ST3GAL3: variants seen among roughly 807,000 people sequenced by gnomAD.
ST3GAL3 encodes the protein ST3 beta-galactoside alpha-2,3-sialyltransferase 3.
A neutral mutation model predicts 50.1 loss-of-function variants in ST3GAL3; 21 were observed. The ratio of observed to expected loss-of-function variants is 0.42; its 90% CI spans 0.30 to 0.60. The LOEUF (loss-of-function observed/expected upper bound fraction) is 0.60, where lower values mean the gene tolerates loss of function less well. ST3GAL3 is among the 20% of genes least tolerant of loss of function. ST3GAL3 has a pLI of 0.19. For missense variants in ST3GAL3, 353 were observed against 489.4 expected (o/e 0.72, Z 2.63); for synonymous variants, 183 against 190.0 (o/e 0.96, Z 0.30).
chr1:43,870,435 AG>A (rs2072403209), intron 5 of ST3GAL3, among the ~76,000 whole-genome samples: 1 of 152,198 alleles, frequency 6.6e-6, no homozygotes, highest in Admixed American at 6.5e-5. Flanking sequence ...AGGTCTGGGG[AG>A]GGGAACCTGG....
At chr1:43,826,722 A>G (rs2062851102) in intron 4 of ST3GAL3, among the ~76,000 whole-genome samples, 1 of 152,242 alleles carries the variant, frequency 6.6e-6, no homozygotes, top group Non-Finnish European at 1.5e-5. Context: ...GAGTTCAGCA[A>G]TGTATAAAAA....
At chr1:43,889,335 ACTT>A (rs779205830) in intron 5 of ST3GAL3, among the ~76,000 whole-genome samples, 43 of 152,290 alleles carry the variant, frequency 2.8e-4, no homozygotes, top group South Asian at 8.3e-4. Context: ...TGAAAGCTAG[ACTT>A]CTTTGAATGT....
chr1:43,838,129 AAG>A, intron 4 of ST3GAL3, 88 bp from the exon 5 acceptor site: 1 of 733,358 alleles, frequency 1.4e-6, no homozygotes, highest in East Asian at 3.3e-5. Context: ...AAAAAAAAAA[AAG>A]GGTTAAACAC....
chr1:43,803,258 G>C (rs940099435), intron 3 of ST3GAL3, among the ~76,000 whole-genome samples: 2 of 151,910 alleles, frequency 1.3e-5, no homozygotes. Context: ...TACATGTCTT[G>C]TAGGCCGGGC....
intron 9 of ST3GAL3, chr1:43,919,949 C>T (rs2082737845): frequency 6.6e-6 from 2 of 304,858 alleles, no homozygotes; most frequent in African/African-American, 2.2e-5. Flanking sequence ...CTAGAACAGT[C>T]GATGGAGAGA....
chr1:43,829,095 G>A (rs2063193048), intron 4 of ST3GAL3, among the ~76,000 whole-genome samples: 1 of 141,630 alleles, frequency 7.1e-6, no homozygotes, highest in Non-Finnish European at 1.5e-5. Context: ...AATGTAGTCT[G>A]TTAAAAAAAA....
intron 5 of ST3GAL3, among the ~76,000 whole-genome samples, chr1:43,848,369 G>C (rs12040333): frequency 6.9e-6 from 1 of 144,382 alleles, no homozygotes; most frequent in Non-Finnish European, 1.5e-5. Flanking sequence ...GCAATGGCGC[G>C]ATCTTGGTTC....
intron 5 of ST3GAL3, chr1:43,851,156 G>A (rs922709246): frequency 2.0e-5 from 27 of 1,328,590 alleles, no homozygotes; most frequent in South Asian, 1.8e-4. Context: ...GATCAGCTTC[G>A]GGTGGAAGAG....
At chr1:43,743,626 C>A in intron 2 of ST3GAL3, 1 of 291,534 alleles carries the variant, frequency 3.4e-6, no homozygotes, top group South Asian at 3.2e-5. Context: ...TGACAGGTGG[C>A]CAATCCATGA....
chr1:43,897,767 A>T (rs2077597211), intron 6 of ST3GAL3, among the ~76,000 whole-genome samples: 3 of 152,152 alleles, frequency 2.0e-5, no homozygotes, highest in South Asian at 4.1e-4. Context: ...GCACGTGGTG[A>T]GCTCTTCAGT....
At chr1:43,739,349 CT>C (rs1445313001) in intron 2 of ST3GAL3, 2 of 151,932 alleles carry the variant, frequency 1.3e-5, no homozygotes, top group Non-Finnish European at 2.9e-5. Flanking sequence ...GTAGCTGGGA[CT>C]ACAGGTGTGC....
chr1:43,820,821 G>A (rs1212226573), intron 4 of ST3GAL3, among the ~76,000 whole-genome samples: 2 of 152,180 alleles, frequency 1.3e-5, no homozygotes, highest in Non-Finnish European at 2.9e-5. Flanking sequence ...TATGGAGTCA[G>A]ACATGGATTT....
chr1:43,853,961 A>G (rs967519124), intron 5 of ST3GAL3, among the ~76,000 whole-genome samples: 6 of 152,158 alleles, frequency 3.9e-5, no homozygotes, highest in Non-Finnish European at 8.8e-5. Context: ...CCTGGCCAGG[A>G]TAGCTGAGTA....
chr1:43,819,089 T>C (rs2061761381), intron 4 of ST3GAL3: 1 of 152,224 alleles, frequency 6.6e-6, no homozygotes, highest in Non-Finnish European at 1.5e-5. Flanking sequence ...CCCTGAAATT[T>C]TAATTTTATA....
intron 2 of ST3GAL3, among the ~76,000 whole-genome samples, chr1:43,755,616 T>C (rs1687737122): frequency 6.6e-6 from 1 of 152,150 alleles, no homozygotes; most frequent in Non-Finnish European, 1.5e-5. Context: ...GGTATTTATA[T>C]CATCAAATGA....
chr1:43,792,737 C>G (rs2154153265), intron 3 of ST3GAL3, among the ~76,000 whole-genome samples: 1 of 152,302 alleles, frequency 6.6e-6, no homozygotes, highest in South Asian at 2.1e-4. Flanking sequence ...CACACCTGCC[C>G]CAAATTCACC....
At position 43,930,263 on chromosome 1, in the gene ST3GAL3, G is replaced by C; in HGVS notation, c.*42G>C. 6.3e-7 allele frequency: 1 copy of C among 1,584,730 alleles called. No individual in the cohort carries two copies. Among genetic ancestry groups the C allele is most frequent in the Non-Finnish European group, 8.7e-7 (1 of 1,155,868 alleles). Reference sequence around the variant, plus strand: ...GCCATAGAGGCCCAGGCACCACCAGGAGCAGCAGCCAGCACCACCTACACA... The same window carrying C: ...GCCATAGAGGCCCAGGCACCACCAGCAGCAGCAGCCAGCACCACCTACACA... On this transcript the variant is annotated 3_prime_UTR_variant, in exon 12 of 12. Transcript: ENST00000347631.
At chr1:43,779,250 A>G (rs1056639112) in intron 2 of ST3GAL3, among the ~76,000 whole-genome samples, 7 of 152,150 alleles carry the variant, frequency 4.6e-5, no homozygotes, top group African/African-American at 1.4e-4. Context: ...CTAGATTTCT[A>G]ACAGACTCTT....
At chr1:43,779,826 G>T (rs918726311) in intron 2 of ST3GAL3, among the ~76,000 whole-genome samples, 2 of 151,990 alleles carry the variant, frequency 1.3e-5, no homozygotes, top group Middle Eastern at 3.2e-3. Context: ...GCTTTCCTTA[G>T]TTTTCTATGT....
Sources: allele counts gnomAD v4.1 joint callset (sites outside exome capture counted in the v4.1 genomes callset), GRCh38; gene constraint gnomAD v4.1.1; transcripts MANE v1.5; gene names NCBI Gene and HGNC (gene_info 2026-07-23, HGNC 2026-07-21).